The following NAV3 variants were observed in gnomAD, a reference collection of about 807,000 sequenced individuals.
NAV3 encodes the protein neuron navigator 3, also known as pore membrane and/or filament interacting like protein 1.
In NAV3, 87 loss-of-function variants were observed where a neutral mutation model predicts 244.7. That is an observed-to-expected ratio of 0.36 (90% confidence interval 0.30 to 0.42). The LOEUF is 0.42. NAV3 is among the 20% of genes least tolerant of loss of function. NAV3 has a pLI of 1.00. For synonymous variants in NAV3, 1,126 were observed against 1,042.2 expected (o/e 1.08, Z -1.55); for missense variants, 2,663 against 2,893.3 (o/e 0.92, Z 1.83).
At chr12:77,895,251 G>A (rs917020054) in intron 1 of NAV3, among the ~76,000 whole-genome samples, 1 of 151,864 alleles carries the variant, frequency 6.6e-6, no homozygotes, top group Admixed American at 6.6e-5. Context: ...AAGGTCAACA[G>A]AAAATTAATT....
chr12:77,717,308 A>G (rs576345120), intron 2 of NAV3, among the ~76,000 whole-genome samples: 1 of 152,142 alleles, frequency 6.6e-6, no homozygotes, highest in South Asian at 2.1e-4. Flanking sequence ...AGAAATCAGT[A>G]TTCTACTTTC....
Position 77,799,109 on chromosome 12 carries a change from C to T in NAV3, c.73-141210C>T, listed in dbSNP as rs532022076. Among the ~76,000 whole-genome samples the T allele has an allele frequency of 1.7e-3, 257 of 152,232 alleles. 1 individual carries two copies. Among genetic ancestry groups the T allele is most frequent in the African/African-American group, 5.9e-3 (245 of 41,522 alleles). ...ATAGCAGCCTATCTTGAACCTGAGC[C>T]GCAAGAGAGAGGGAATACCCCAAAG... On this transcript the variant is annotated intron_variant, in intron 2 of 8. Coordinates refer to the NAV3 transcript ENST00000550042.
At chr12:78,148,812 T>A in intron 21 of NAV3, 30 bp from the exon 22 acceptor site, 1 of 1,572,296 alleles carries the variant, frequency 6.4e-7, no homozygotes, top group Non-Finnish European at 8.7e-7. Context: ...TCTACTTGCC[T>A]ATTCCATTGA....
intron 24 of NAV3, among the ~76,000 whole-genome samples, chr12:78,169,859 A>T (rs757746354): frequency 6.6e-6 from 1 of 151,762 alleles, no homozygotes; most frequent in Non-Finnish European, 1.5e-5. Context: ...CCTATGTGAA[A>T]CATCCGGTTT....
At chr12:77,807,382 A>T (rs1872038017) in intron 2 of NAV3, among the ~76,000 whole-genome samples, 1 of 152,136 alleles carries the variant, frequency 6.6e-6, no homozygotes, top group South Asian at 2.1e-4. Context: ...TGGTGACAAA[A>T]TCTTTCAGCA....
intron 12 of NAV3, among the ~76,000 whole-genome samples, chr12:78,071,018 T>G (rs971697347): frequency 6.6e-6 from 1 of 150,482 alleles, no homozygotes; most frequent in African/African-American, 2.4e-5. Context: ...AACATACGTG[T>G]GCATGTGTCT....
intron 2 of NAV3, among the ~76,000 whole-genome samples, chr12:77,759,792 C>G (rs990252802): frequency 2.0e-5 from 3 of 151,894 alleles, no homozygotes; most frequent in Admixed American, 2.0e-4. Context: ...GGATCATATT[C>G]CAGTTTGATT....
At chr12:77,822,412 A>G (rs1035261552) in intron 2 of NAV3, among the ~76,000 whole-genome samples, 1 of 152,176 alleles carries the variant, frequency 6.6e-6, no homozygotes, top group Non-Finnish European at 1.5e-5. Flanking sequence ...ATCTTGGCAT[A>G]TTGCCCCTTG....
chr12:78,099,845 A>G (rs931612168), intron 12 of NAV3, among the ~76,000 whole-genome samples: 25 of 152,114 alleles, frequency 1.6e-4, no homozygotes, highest in African/African-American at 6.0e-4. Context: ...TCATTAAAAC[A>G]TAAACTTGTG....
At chr12:77,867,080 T>C (rs12817304) in intron 1 of NAV3, among the ~76,000 whole-genome samples, 57,389 of 152,022 alleles carry the variant, frequency 0.38, 11,199 homozygotes, top group Admixed American at 0.46. Flanking sequence ...GTAGTTGATA[T>C]GTTTGGCTGT....
chr12:78,064,471 C>T (rs902462259), intron 12 of NAV3, among the ~76,000 whole-genome samples: 1 of 151,836 alleles, frequency 6.6e-6, no homozygotes, highest in African/African-American at 2.4e-5. Flanking sequence ...GCCTGTCTGT[C>T]TATATAGAGA....
chr12:77,963,364 A>G (rs929983168), intron 3 of NAV3, among the ~76,000 whole-genome samples: 1 of 152,288 alleles, frequency 6.6e-6, no homozygotes, highest in Admixed American at 6.5e-5. Context: ...CTGGTGAGAA[A>G]GTGACCATAT....
intron 2 of NAV3, among the ~76,000 whole-genome samples, chr12:77,771,893 C>T (rs1188662744): frequency 6.8e-6 from 1 of 148,038 alleles, no homozygotes; most frequent in East Asian, 2.0e-4. Context: ...GCACATGTAC[C>T]CTAAAACTTA....
intron 2 of NAV3, among the ~76,000 whole-genome samples, chr12:77,744,939 A>G (rs1868461096): frequency 6.6e-6 from 1 of 151,990 alleles, no homozygotes; most frequent in Non-Finnish European, 1.5e-5. Flanking sequence ...TGGTCCTAAA[A>G]TACATCATAA....
intron 2 of NAV3, among the ~76,000 whole-genome samples, chr12:77,694,380 G>A (rs1239194994): frequency 6.6e-6 from 1 of 151,716 alleles, no homozygotes; most frequent in Non-Finnish European, 1.5e-5. Flanking sequence ...GGCTGAGGCA[G>A]GAGAATCACT....
chr12:78,160,383 G>GTGTGTGTGTGTGTGTGTGTGTGTT (rs1957480044), intron 23 of NAV3, among the ~76,000 whole-genome samples: 1 of 85,124 alleles, frequency 1.2e-5, no homozygotes. Context: ...TATGGAGTGT[G>GTGTGTGTGTGTGTGTGTGTGTGTT]TGTGTGTGTG....
chr12:78,027,624 A>C (rs1257299837), intron 9 of NAV3, among the ~76,000 whole-genome samples: 1 of 152,220 alleles, frequency 6.6e-6, no homozygotes, highest in Non-Finnish European at 1.5e-5. Context: ...GTCAAAATGC[A>C]GGTGCACAAC....
intron 2 of NAV3, among the ~76,000 whole-genome samples, chr12:77,756,965 C>T (rs899786216): frequency 1.4e-4 from 22 of 152,132 alleles, no homozygotes; most frequent in African/African-American, 4.6e-4. Context: ...AGAAGAAAAC[C>T]TTCCCATTTT....
chr12:77,573,527 A>T (rs1046907802), intron 2 of NAV3, among the ~76,000 whole-genome samples: 3 of 152,152 alleles, frequency 2.0e-5, no homozygotes, highest in African/African-American at 7.2e-5. Flanking sequence ...TGTGTTACAA[A>T]TAAGTTTGTT....
Sources: gnomAD v4.1 joint callset for allele counts (sites outside exome capture counted in the v4.1 genomes callset) on GRCh38, gnomAD v4.1.1 for gene constraint, MANE v1.5 for transcripts, NCBI Gene and HGNC (gene_info 2026-07-23, HGNC 2026-07-21) for gene names.